The following SOX6 variants were observed in gnomAD, a reference collection of about 807,000 sequenced individuals.
SOX6 encodes SRY-box transcription factor 6, also known as transcription factor SOX-6.
Under a neutral mutation model 97.8 loss-of-function variants are expected in SOX6, and 11 were observed. The observed-to-expected ratio is 0.11, with a 90% CI of 0.07 to 0.19. The LOEUF (loss-of-function observed/expected upper bound fraction) is 0.19, where lower values mean the gene tolerates loss of function less well. Among genes scored for constraint, SOX6 ranks in the 10% least tolerant of loss-of-function variants. The probability of loss-of-function intolerance (pLI) is 1.00; values close to 1 mark genes in which losing one functional copy is unlikely to be tolerated. For missense variants in SOX6, 810 were observed against 1,039.5 expected (o/e 0.78, Z 3.04); for synonymous variants, 360 against 371.4 (o/e 0.97, Z 0.35).
chr11:16,687,706 T>C (rs1847980065), intron 3 of SOX6, among the ~76,000 whole-genome samples: 1 of 152,178 alleles, frequency 6.6e-6, no homozygotes, highest in African/African-American at 2.4e-5. Flanking sequence ...TATTTATTTA[T>C]AATTTTTTAG....
At chr11:16,497,415 C>T (rs1860619913) in intron 4 of SOX6, among the ~76,000 whole-genome samples, 2 of 152,084 alleles carry the variant, frequency 1.3e-5, no homozygotes, top group African/African-American at 4.8e-5. Context: ...AATGCCTCTC[C>T]TCCTCCAAAG....
chr11:15,996,623 A>G (rs962475034), intron 13 of SOX6, among the ~76,000 whole-genome samples: 1 of 152,044 alleles, frequency 6.6e-6, no homozygotes. Flanking sequence ...AAAACAAAAA[A>G]CAAACAAACA....
At chr11:16,252,889 A>G (rs1455250266) in intron 3 of SOX6, among the ~76,000 whole-genome samples, 1 of 152,140 alleles carries the variant, frequency 6.6e-6, no homozygotes, top group African/African-American at 2.4e-5. Context: ...AGGCTCACCA[A>G]AAACCTGAGA....
intron 7 of SOX6, among the ~76,000 whole-genome samples, chr11:16,106,640 T>C (rs2133988060): frequency 6.6e-6 from 1 of 152,028 alleles, no homozygotes; most frequent in East Asian, 1.9e-4. Context: ...AACTAAACCC[T>C]TAGAAGAAAA....
chr11:16,054,825 A>G (rs1419912976), intron 10 of SOX6, among the ~76,000 whole-genome samples: 1 of 152,172 alleles, frequency 6.6e-6, no homozygotes, highest in Non-Finnish European at 1.5e-5. Flanking sequence ...TTTGAATTTG[A>G]TAATTCAATA....
In SOX6 at chr11:16,381,947, A is replaced by C. The variant is rs141561573; in HGVS notation, c.-4-40695T>G. On this transcript the variant is annotated intron_variant, in intron 1 of 15. Coordinates refer to the SOX6 transcript ENST00000396356. ...TTTGTTAAGGTAGTGGGGAAAAAAA[A>C]CACACACATACAATAGATGTTCTAA... 3.7e-3 allele frequency among the ~76,000 whole-genome samples: 564 copies of C among 152,032 alleles called. 2 individuals are homozygous for C. Among genetic ancestry groups the C allele is most frequent in the African/African-American group, 0.012 (494 of 41,542 alleles).
chr11:16,618,460 C>T (rs1021350777), intron 3 of SOX6, among the ~76,000 whole-genome samples: 3 of 151,562 alleles, frequency 2.0e-5, no homozygotes, highest in Non-Finnish European at 3.0e-5. Flanking sequence ...TGAATGAATA[C>T]TATGTGAGTA....
intron 3 of SOX6, among the ~76,000 whole-genome samples, chr11:16,630,659 G>T (rs554703230): frequency 1.3e-5 from 2 of 152,022 alleles, no homozygotes; most frequent in African/African-American, 4.8e-5. Flanking sequence ...CTGCCTCAGT[G>T]CTGTCTAATG....
chr11:16,358,863 T>G (rs1827535), upstream of SOX6, among the ~76,000 whole-genome samples: 47,046 of 152,000 alleles, frequency 0.31, 7,803 homozygotes, highest in African/African-American at 0.38. Context: ...AAAATTGGCT[T>G]GTGAACCAGA....
At chr11:16,675,176 T>G (rs1304335505) in intron 3 of SOX6, among the ~76,000 whole-genome samples, 1 of 152,154 alleles carries the variant, frequency 6.6e-6, no homozygotes, top group Non-Finnish European at 1.5e-5. Flanking sequence ...ATAATCCCAT[T>G]TACAGTAATC....
chr11:16,582,499 T>A (rs527770873), intron 4 of SOX6, among the ~76,000 whole-genome samples: 1 of 152,246 alleles, frequency 6.6e-6, no homozygotes, highest in African/African-American at 2.4e-5. Flanking sequence ...GTTTGTTGAA[T>A]TTAATTAATC....
intron 3 of SOX6, among the ~76,000 whole-genome samples, chr11:16,251,455 C>T (rs1853505867): frequency 7.3e-6 from 1 of 136,444 alleles, no homozygotes; most frequent in Non-Finnish European, 1.6e-5. Context: ...TGTATTCTTA[C>T]AGACATTGAT....
chr11:16,043,206 G>A (rs1488156071), intron 12 of SOX6, among the ~76,000 whole-genome samples: 2 of 152,124 alleles, frequency 1.3e-5, no homozygotes. Flanking sequence ...AAGCAATTAG[G>A]CTATAGTATG....
intron 4 of SOX6, among the ~76,000 whole-genome samples, chr11:16,558,876 C>T (rs1159533584): frequency 6.6e-6 from 1 of 152,038 alleles, no homozygotes; most frequent in African/African-American, 2.4e-5. Flanking sequence ...GCCACTCTCA[C>T]AGTGCTTACA....
intron 3 of SOX6, among the ~76,000 whole-genome samples, chr11:16,278,926 G>A (rs1321074644): frequency 6.6e-6 from 1 of 152,006 alleles, no homozygotes; most frequent in Non-Finnish European, 1.5e-5. Context: ...TGGATGTATA[G>A]GTTCAAATGG....
At chr11:16,559,830 G>C (rs1199623730) in intron 4 of SOX6, among the ~76,000 whole-genome samples, 1 of 151,980 alleles carries the variant, frequency 6.6e-6, no homozygotes, top group South Asian at 2.1e-4. Flanking sequence ...ATTCCTCAGG[G>C]CCTAAGGAAT....
chr11:16,714,785 A>G (rs1013134354), intron 3 of SOX6: 3 of 152,108 alleles, frequency 2.0e-5, no homozygotes, highest in Non-Finnish European at 4.4e-5. Flanking sequence ...TTTTATGTCT[A>G]CCAGATGTGT....
intron 4 of SOX6, among the ~76,000 whole-genome samples, chr11:16,191,808 A>G (rs974147984): frequency 1.3e-5 from 2 of 151,832 alleles, no homozygotes; most frequent in Non-Finnish European, 2.9e-5. Flanking sequence ...TATAAACTGT[A>G]TCTGTTCTCC....
At chr11:16,556,961 A>T (rs1456150834) in intron 4 of SOX6, among the ~76,000 whole-genome samples, 1 of 151,704 alleles carries the variant, frequency 6.6e-6, no homozygotes, top group African/African-American at 2.4e-5. Context: ...CCATAACTTC[A>T]TTGCCACACA....
Sources: allele counts gnomAD v4.1 joint callset (sites outside exome capture counted in the v4.1 genomes callset), GRCh38; gene constraint gnomAD v4.1.1; transcripts MANE v1.5; gene names NCBI Gene and HGNC (gene_info 2026-07-23, HGNC 2026-07-21).